Variants in GNB2 observed in about 807,000 individuals in gnomAD.
GNB2 encodes guanine nucleotide-binding protein G(I)/G(S)/G(T) subunit beta-2.
GNB2 carries 7 observed loss-of-function variants against 40.7 expected under a neutral mutation model. The ratio of observed to expected loss-of-function variants is 0.17; its 90% confidence interval spans 0.10 to 0.32. GNB2 has a LOEUF of 0.32. Ranked by LOEUF, GNB2 falls within the 10% of genes least tolerant of loss-of-function variation. The probability of loss-of-function intolerance (pLI) is 1.00; values close to 1 mark genes in which losing one functional copy is unlikely to be tolerated. For synonymous variants in GNB2, 254 were observed against 191.2 expected, an observed-to-expected ratio of 1.33 and a Z score of -2.71; for missense variants, 286 against 473.0, an observed-to-expected ratio of 0.60 and a Z score of 3.67.
chr7:100,679,073 G>A lies in GNB2; in HGVS notation c.*272G>A, dbSNP rs571104378. On this transcript the variant is annotated 3_prime_UTR_variant, in exon 10 of 10. Coordinates refer to ENST00000303210, the MANE Select transcript of GNB2 (RefSeq NM_005273.4). Reference sequence around the variant, plus strand: ...CCCTCTGGAGGGCCGGAGGCAGGAGGTGGAAACCCCAGGGGCTGGCTTTTT... The same window carrying A: ...CCCTCTGGAGGGCCGGAGGCAGGAGATGGAAACCCCAGGGGCTGGCTTTTT... The A allele has an allele frequency of 3.9e-5, 17 of 434,488 alleles. No homozygotes were observed. In the South Asian group the frequency reaches 4.2e-4, roughly 11 times the overall value. 26.9% of individuals were successfully genotyped at this position (434,488 alleles called of 1,614,324 possible).
intron 7 of GNB2, 21 bp downstream of exon 7, chr7:100,677,839 G>C: frequency 6.2e-7 from 1 of 1,603,592 alleles, no homozygotes; most frequent in Non-Finnish European, 8.5e-7. Context: ...GCCAGGGCTG[G>C]GCAGTCTGGG....
Position 100,678,910 on chromosome 7 carries a change from G to A in GNB2, c.*109G>A. The A allele has an allele frequency of 2.4e-6, 2 of 849,360 alleles. No homozygotes were observed. Among genetic ancestry groups the A allele is most frequent in the South Asian group, 3.3e-5 (2 of 60,538 alleles). 52.6% of individuals were successfully genotyped at this position (849,360 alleles called of 1,614,324 possible). A position where few individuals can be genotyped will look rare whatever the true frequency, so the allele number is the denominator to read the frequency against. On this transcript the variant is annotated 3_prime_UTR_variant, in exon 10 of 10. Transcript: ENST00000303210. ...CCCAGCCCCCTTCCCCGGGCCACGG[G>A]GCCTTGGGTCCCTGCCCTCCCACCC...
At position 100,673,785 on chromosome 7, in the gene GNB2, C is replaced by CGGGGCT. The variant is rs1316800195; in HGVS notation, c.-222_-217dup. On this transcript the variant is annotated 5_prime_UTR_variant, in exon 1 of 10. Coordinates refer to ENST00000303210, the MANE Select transcript of GNB2 (RefSeq NM_005273.4). ...CGCTCTGGGGAGGCAGCGCTGGCGGCGGGGCTGGGGCCACTGAGGAAATCC... is the reference window on the plus strand; with the variant it reads ...CGCTCTGGGGAGGCAGCGCTGGCGGCGGGGCTGGGGCTGGGGCCACTGAGGAAATCC... The CGGGGCT allele has an allele frequency of 5.7e-6, 1 of 174,616 alleles. No individual in the cohort carries two copies. The highest frequency in any genetic ancestry group is 1.2e-5 in the Non-Finnish European group (1 of 85,668). The allele number at this position is 174,616 out of a possible 1,614,324, so 10.8% of individuals were successfully genotyped here. A position where few individuals can be genotyped will look rare whatever the true frequency, so the allele number is the denominator to read the frequency against.
rs1584479116 is a variant in GNB2 at position 100,677,379 on chromosome 7, G to A, written c.231G>A (p.Gly77=). Residue 77 remains glycine, a synonymous_variant, in exon 5 of 10, where the codon GGG becomes GGA. Coordinates refer to ENST00000303210, the MANE Select transcript of GNB2 (RefSeq NM_005273.4). The part of the protein sequence containing the change: ...SRLLVSASQD[G]KLIIWDSYTT... The stretch of plus-strand genomic sequence containing the variant: ...TGCTGGTCAGCGCCTCCCAGGATGG[G>A]AAGCTCATCATCTGGGACAGCTACA... 6.2e-7 allele frequency: 1 copy of A among 1,614,024 alleles called. No homozygotes were observed. Among genetic ancestry groups the A allele is most frequent in the Non-Finnish European group, 8.5e-7 (1 of 1,179,994 alleles).
chr7:100,677,687 C>G, intron 6 of GNB2, 27 bp downstream of exon 6: 1 of 1,613,140 alleles, frequency 6.2e-7, no homozygotes, highest in South Asian at 1.1e-5. Flanking sequence ...AGTTCGGGCC[C>G]TTTTTGGGGT....
rs1200695035 is a variant in GNB2, at chr7:100,678,517, C to T, written c.819C>T (p.Ile273=). The part of the protein sequence containing the change: ...MYSHDNIICG[I]TSVAFSRSGR... ...CCCATGACAACATCATCTGTGGCAT[C>T]ACCTCTGTTGCCTTCTCGCGCAGCG... The change falls in exon 9 of 10, where the codon ATC becomes ATT. Residue 273 remains isoleucine (I), a synonymous_variant. Transcript: ENST00000303210. 1.2e-5 allele frequency: 20 copies of T among 1,613,932 alleles called. No homozygotes were observed. The highest frequency in any genetic ancestry group is 1.6e-5 in the Non-Finnish European group (19 of 1,179,964).
At chr7:100,677,065 G>A (rs1012624274) in intron 4 of GNB2, 4 of 592,036 alleles carry the variant, frequency 6.8e-6, no homozygotes, top group African/African-American at 5.6e-5. Context: ...CTTGAGCTCA[G>A]GAGTTTGAGA....
chr7:100,674,562 G>A (rs1456121545), intron 1 of GNB2, among the ~76,000 whole-genome samples: 1 of 151,932 alleles, frequency 6.6e-6, no homozygotes, highest in Non-Finnish European at 1.5e-5. Flanking sequence ...GGGCTGGAGG[G>A]CCAGGCCCAC....
chr7:100,677,687 C>T (rs1486988776), intron 6 of GNB2, 27 bp downstream of exon 6: 20 of 1,613,022 alleles, frequency 1.2e-5, no homozygotes, highest in Non-Finnish European at 1.4e-5. Context: ...AGTTCGGGCC[C>T]TTTTTGGGGT....
rs1804436523 is a variant in GNB2, at chr7:100,679,030, C to G, written c.*229C>G. 5.6e-6 allele frequency: 3 copies of G among 538,162 alleles called. No individual in the cohort carries two copies. Among genetic ancestry groups the G allele is most frequent in the Non-Finnish European group, 9.9e-6 (3 of 302,084 alleles). 33.3% of individuals were successfully genotyped at this position (538,162 alleles called of 1,614,324 possible). A position where few individuals can be genotyped will look rare whatever the true frequency, so the allele number is the denominator to read the frequency against. ...AGGAGGCCCTCATCCTTCTGCTGCCCTGGGGTTGGGGCCTCACCCCTCTGG... is the reference window on the plus strand; with the variant it reads ...AGGAGGCCCTCATCCTTCTGCTGCCGTGGGGTTGGGGCCTCACCCCTCTGG... On this transcript the variant is annotated 3_prime_UTR_variant, in exon 10 of 10. Transcript: ENST00000303210.
intron 7 of GNB2, 76 bp from the exon 8 acceptor site, chr7:100,678,022 T>C (rs1323466700): frequency 7.8e-7 from 1 of 1,285,436 alleles, no homozygotes; most frequent in East Asian, 2.3e-5. Context: ...TGGGCTCACG[T>C]GGTGGGGCGG....
Position 100,678,913 on chromosome 7 carries a change from CT to C in GNB2, c.*114del. On this transcript the variant is annotated 3_prime_UTR_variant, in exon 10 of 10. Coordinates refer to ENST00000303210, the MANE Select transcript of GNB2 (RefSeq NM_005273.4). ...AGCCCCCTTCCCCGGGCCACGGGGC[CT>C]TGGGTCCCTGCCCTCCCACCCAGGT... 1 of 803,714 alleles carries C rather than the reference CT, an allele frequency of 1.2e-6. No individual in the cohort carries two copies. 49.8% of individuals were successfully genotyped at this position (803,714 alleles called of 1,614,324 possible).
At chr7:100,676,656 C>T (rs533992485) in intron 3 of GNB2, 37 bp from the exon 4 acceptor site, 3 of 1,557,670 alleles carry the variant, frequency 1.9e-6, no homozygotes, top group Non-Finnish European at 2.7e-6. Flanking sequence ...GTCCTGCTGC[C>T]TGGGCCTCCC....
chr7:100,674,966 G>A (rs919648194), intron 1 of GNB2, among the ~76,000 whole-genome samples: 1 of 152,196 alleles, frequency 6.6e-6, no homozygotes, highest in African/African-American at 2.4e-5. Context: ...GTAGAAAGCT[G>A]AACTTACAAG....
At chr7:100,678,075 C>T (rs1255905210) in intron 7 of GNB2, 23 bp from the exon 8 acceptor site, 4 of 1,587,896 alleles carry the variant, frequency 2.5e-6, no homozygotes, top group Admixed American at 1.7e-5. Flanking sequence ...CTTATCTTTT[C>T]TTTCTTCCTG....
intron 5 of GNB2, 34 bp from the exon 6 acceptor site, chr7:100,677,464 T>TGGCTCTGACCCC: frequency 1.2e-6 from 2 of 1,613,064 alleles, no homozygotes; most frequent in Non-Finnish European, 1.7e-6. Flanking sequence ...GGGCCCTGGC[T>TGGCTCTGACCCC]GGCTCTGACC....
At chr7:100,678,042 G>GGACTCTGTT in intron 7 of GNB2, 56 bp from the exon 8 acceptor site, 1 of 1,405,542 alleles carries the variant, frequency 7.1e-7, no homozygotes, top group South Asian at 1.2e-5. Context: ...GGGAGAACAG[G>GGACTCTGTT]GACTCTGTTC....
chr7:100,678,664 C>T (rs996279616), intron 9 of GNB2, 31 bp from the exon 10 acceptor site: 5 of 1,608,396 alleles, frequency 3.1e-6, no homozygotes, highest in Non-Finnish European at 4.3e-6. Context: ...AGCCCAGGCC[C>T]AATGGGTTCT....
At chr7:100,674,351 G>T (rs1394240463) in intron 1 of GNB2, among the ~76,000 whole-genome samples, 1 of 152,044 alleles carries the variant, frequency 6.6e-6, no homozygotes, top group Admixed American at 6.5e-5. Context: ...CAAAATCGGG[G>T]AGAAGCAGGC....
Sources: allele counts gnomAD v4.1 joint callset (sites outside exome capture counted in the v4.1 genomes callset), GRCh38; gene constraint gnomAD v4.1.1; transcripts MANE v1.5; gene names NCBI Gene and HGNC (gene_info 2026-07-23, HGNC 2026-07-21).